Variants in CFTR observed in about 807,000 individuals in gnomAD.
CFTR encodes CF transmembrane conductance regulator.
CFTR carries 181 observed loss-of-function variants against 171.6 expected under a neutral mutation model. The ratio of observed to expected loss-of-function variants is 1.05; its 90% CI spans 0.93 to 1.19. The LOEUF (loss-of-function observed/expected upper bound fraction) is 1.19, where lower values mean the gene tolerates loss of function less well. Among genes scored for constraint, CFTR ranks in the 50% most tolerant of loss-of-function variants. The pLI is 0.00. For missense variants in CFTR, 1,968 were observed against 1,734.7 expected, an observed-to-expected ratio of 1.13 and a Z score of -2.39; for synonymous variants, 583 against 608.0, an observed-to-expected ratio of 0.96 and a Z score of 0.60.
At chr7:117,550,219 G>A (rs1194281227) in intron 10 of CFTR, among the ~76,000 whole-genome samples, 1 of 151,914 alleles carries the variant, frequency 6.6e-6, no homozygotes, top group African/African-American at 2.4e-5. Context: ...GTGTGTGCCT[G>A]TAGTCCCAGC....
chr7:117,610,391 A>T (rs1327506715), intron 18 of CFTR, 128 bp from the exon 19 acceptor site: 1 of 781,640 alleles, frequency 1.3e-6, no homozygotes, highest in Non-Finnish European at 2.1e-6. Context: ...TATAATAAAA[A>T]AAATAAAAAA....
chr7:117,581,376 T>C (rs1217884822), intron 11 of CFTR, among the ~76,000 whole-genome samples: 3 of 152,158 alleles, frequency 2.0e-5, no homozygotes, highest in Admixed American at 6.6e-5. Flanking sequence ...GATCAGGCCT[T>C]AAAAATCTGC....
In CFTR at chr7:117,594,955, G is replaced by C; in HGVS notation, c.2516G>C (p.Ser839Thr). 8 of 1,612,714 alleles carry C rather than the reference G, an allele frequency of 5.0e-6. 1 individual carries two copies. Among genetic ancestry groups the C allele is most frequent in the Non-Finnish European group, 6.8e-6 (8 of 1,179,064 alleles). The change falls in exon 15 of 27, where the codon AGC (serine) becomes ACC (threonine). Residue 839 changes from serine to threonine, a missense_variant. Transcript: ENST00000003084. ...LKECFFDDME[S>T]IPAVTTWNTY... is the part of the protein sequence containing the mutation. ...GAGTGCTTTTTTGATGATATGGAGA[G>C]CATACCAGCAGTGACTACATGGAAC...
intron 22 of CFTR, among the ~76,000 whole-genome samples, chr7:117,641,961 C>T (rs188705491): frequency 1.3e-5 from 2 of 152,274 alleles, no homozygotes. Context: ...TATTGCCAGG[C>T]TTGAACTTCA....
chr7:117,655,677 G>T (rs559516239), intron 24 of CFTR, among the ~76,000 whole-genome samples: 1 of 152,110 alleles, frequency 6.6e-6, no homozygotes, highest in Non-Finnish European at 1.5e-5. Flanking sequence ...TTGAGTATTT[G>T]TTACAGCAGT....
At position 117,603,748 on chromosome 7, in the gene CFTR, AG is replaced by A. The variant is rs397508447; in HGVS notation, c.2875del (p.Ala959HisfsTer9). ...HHKMLHSVLQ[A>X]PMSTLNTLKA... is the part of the protein sequence containing the mutation. ...ACAAAATGTTACATTCTGTTCTTCA[AG>A]CACCTATGTCAACCCTCAACACGTT... On this transcript the variant is annotated frameshift_variant, in exon 17 of 27. Coordinates refer to ENST00000003084, the MANE Select transcript of CFTR (RefSeq NM_000492.4). LOFTEE classifies it high-confidence loss of function. 5.6e-6 allele frequency: 9 copies of A among 1,614,056 alleles called. No homozygotes were observed. The highest frequency in any genetic ancestry group is 6.8e-6 in the Non-Finnish European group (8 of 1,179,948).
At chr7:117,480,619 T>C (rs1281191889) in intron 1 of CFTR, among the ~76,000 whole-genome samples, 1 of 152,102 alleles carries the variant, frequency 6.6e-6, no homozygotes, top group African/African-American at 2.4e-5. Flanking sequence ...AGGTAGAAAA[T>C]ATATGCTTAA....
intron 3 of CFTR, among the ~76,000 whole-genome samples, chr7:117,517,753 C>A (rs191460194): frequency 7.2e-5 from 11 of 152,300 alleles, no homozygotes; most frequent in African/African-American, 2.6e-4. Context: ...ACCATTCTAA[C>A]TGGTGTGAGA....
At position 117,652,922 on chromosome 7, in the gene CFTR, T is replaced by G; in HGVS notation, c.3954T>G (p.Val1318=). Residue 1318 remains valine, a synonymous_variant, in exon 24 of 27, where the codon GTT becomes GTG. Transcript: ENST00000003084. Reference sequence around the variant, plus strand: ...GGAGTGATCAAGAAATATGGAAAGTTGCAGATGAGGTAAGGCTGCTAACTG... The same window carrying G: ...GGAGTGATCAAGAAATATGGAAAGTGGCAGATGAGGTAAGGCTGCTAACTG... ...EQWSDQEIWK[V]ADEVGLRSVI... The G allele has an allele frequency of 6.3e-7, 1 of 1,597,966 alleles. No individual in the cohort carries two copies. Among genetic ancestry groups the G allele is most frequent in the South Asian group, 1.1e-5 (1 of 90,712 alleles).
At chr7:117,612,041 A>ATATATATATATG (rs1584822907) in intron 20 of CFTR, among the ~76,000 whole-genome samples, 9 of 74,066 alleles carry the variant, frequency 1.2e-4, no homozygotes, top group Non-Finnish European at 2.5e-4. Flanking sequence ...ATATATATAT[A>ATATATATATATG]TATATATATA....
intron 3 of CFTR, among the ~76,000 whole-genome samples, chr7:117,513,738 A>G (rs1436774865): frequency 1.3e-5 from 2 of 152,120 alleles, no homozygotes; most frequent in East Asian, 3.9e-4. Context: ...ATCTCCAGCA[A>G]ATCTTCTAAA....
intron 3 of CFTR, among the ~76,000 whole-genome samples, chr7:117,529,143 T>C (rs1374672407): frequency 1.2e-5 from 1 of 83,986 alleles, no homozygotes. Flanking sequence ...TAGACTGGAT[T>C]AAGAAAATGT....
intron 24 of CFTR, among the ~76,000 whole-genome samples, chr7:117,658,854 C>T (rs1343947376): frequency 6.6e-6 from 1 of 152,178 alleles, no homozygotes; most frequent in Non-Finnish European, 1.5e-5. Context: ...CATTGACCCC[C>T]AATAGTTCAT....
intron 10 of CFTR, among the ~76,000 whole-genome samples, chr7:117,554,870 GAGA>G (rs1409057943): frequency 1.3e-5 from 2 of 152,136 alleles, no homozygotes; most frequent in Non-Finnish European, 2.9e-5. Context: ...AGCAATAGTA[GAGA>G]AGGTCAAACT....
intron 21 of CFTR, among the ~76,000 whole-genome samples, chr7:117,621,574 A>T (rs1038985534): frequency 8.5e-5 from 13 of 152,238 alleles, no homozygotes; most frequent in African/African-American, 3.1e-4. Flanking sequence ...TCAATGATAC[A>T]TACATAAATC....
intron 22 of CFTR, among the ~76,000 whole-genome samples, chr7:117,636,519 C>T (rs1314399169): frequency 6.6e-6 from 1 of 151,872 alleles, no homozygotes; most frequent in Non-Finnish European, 1.5e-5. Flanking sequence ...CTGGTATTCC[C>T]ATTACATGTA....
intron 3 of CFTR, among the ~76,000 whole-genome samples, chr7:117,528,412 C>G (rs1374889808): frequency 8.5e-6 from 1 of 116,994 alleles, no homozygotes; most frequent in Non-Finnish European, 1.8e-5. Context: ...CATAAAAACC[C>G]TAGAAGAAAA....
chr7:117,642,774 T>C (rs1170093387), intron 23 of CFTR, among the ~76,000 whole-genome samples, 181 bp downstream of exon 23: 1 of 152,214 alleles, frequency 6.6e-6, no homozygotes, highest in Non-Finnish European at 1.5e-5. Context: ...TTTGGAATTC[T>C]CAAATTCTGG....
intron 24 of CFTR, among the ~76,000 whole-genome samples, chr7:117,659,983 A>G (rs1390789857): frequency 3.3e-5 from 5 of 152,094 alleles, no homozygotes; most frequent in Non-Finnish European, 5.9e-5. Context: ...TCCAGAATAC[A>G]GCAATAGCAA....
Sources: allele counts gnomAD v4.1 joint callset (sites outside exome capture counted in the v4.1 genomes callset), GRCh38; gene constraint gnomAD v4.1.1; transcripts MANE v1.5; gene names NCBI Gene and HGNC (gene_info 2026-07-23, HGNC 2026-07-21).